The following FYB1 variants were observed in gnomAD, a reference collection of about 807,000 sequenced individuals.
FYB1 encodes FYN binding protein 1.
FYB1 carries 41 observed loss-of-function variants against 94.1 expected under a neutral mutation model. The observed-to-expected ratio is 0.44, with a 90% confidence interval of 0.34 to 0.57. The LOEUF (loss-of-function observed/expected upper bound fraction) is 0.57, where lower values mean the gene tolerates loss of function less well. Ranked by LOEUF, FYB1 falls within the 20% of genes least tolerant of loss-of-function variation. FYB1 has a pLI of 0.02. For missense variants in FYB1, 1,050 were observed against 976.8 expected (o/e 1.07, Z -1.00); for synonymous variants, 367 against 353.2 (o/e 1.04, Z -0.44).
Position 39,202,113 on chromosome 5 carries a change from T to G in FYB1, c.848A>C (p.Lys283Thr), listed in dbSNP as rs1342611268. The G allele has an allele frequency of 6.2e-7, 1 of 1,613,882 alleles. No homozygotes were observed. The highest frequency in any genetic ancestry group is 2.2e-5 in the East Asian group (1 of 44,894). ...PGLSKNGEEK[K>T]EDRKIDAAKN... is the part of the protein sequence containing the mutation. ...AGCAGCATCTATCTTCCTATCTTCCTTTTTTTCTTCACCATTTTTGGAGAG... is the reference window on the plus strand; with the variant it reads ...AGCAGCATCTATCTTCCTATCTTCCGTTTTTTCTTCACCATTTTTGGAGAG... The change falls in exon 2 of 19, where the codon AAG (lysine) becomes ACG (threonine). Residue 283 changes from lysine (K) to threonine (T), a missense_variant. Transcript: ENST00000512982.
At chr5:39,244,548 T>A (rs924098687) in intron 1 of FYB1, among the ~76,000 whole-genome samples, 7 of 152,176 alleles carry the variant, frequency 4.6e-5, no homozygotes, top group African/African-American at 1.4e-4. Context: ...TTGCCAGTAT[T>A]TTATTGAGGA....
intron 4 of FYB1, among the ~76,000 whole-genome samples, chr5:39,140,475 G>T (rs968459278): frequency 3.3e-5 from 5 of 152,192 alleles, no homozygotes; most frequent in Non-Finnish European, 7.3e-5. Context: ...TAACAGGACC[G>T]ATTGATGAGA....
chr5:39,273,637 T>C (rs1752723589), intron 1 of FYB1, among the ~76,000 whole-genome samples: 1 of 152,156 alleles, frequency 6.6e-6, no homozygotes. Context: ...GCAAAATAAG[T>C]TATAATTCTT....
At chr5:39,144,451 C>T (rs1231001118) in intron 3 of FYB1, among the ~76,000 whole-genome samples, 39 of 152,012 alleles carry the variant, frequency 2.6e-4, no homozygotes, top group Non-Finnish European at 2.6e-4. Context: ...TTGATATCCT[C>T]AACAAATAAA....
intron 16 of FYB1, among the ~76,000 whole-genome samples, chr5:39,118,162 G>A (rs1003249365): frequency 6.6e-6 from 1 of 152,090 alleles, no homozygotes; most frequent in Middle Eastern, 3.4e-3. Context: ...CCTCAGCCCC[G>A]CAAAGTGCTG....
intron 18 of FYB1, among the ~76,000 whole-genome samples, chr5:39,107,908 T>C (rs1738673826): frequency 6.6e-6 from 1 of 152,092 alleles, no homozygotes; most frequent in Non-Finnish European, 1.5e-5. Context: ...ATGAAATAAG[T>C]ACCTATTTAT....
intron 2 of FYB1, among the ~76,000 whole-genome samples, chr5:39,157,139 C>T (rs570322975): frequency 5.9e-5 from 9 of 151,896 alleles, no homozygotes; most frequent in Non-Finnish European, 1.2e-4. Flanking sequence ...TAAGCCGTAG[C>T]GGTGGGTTTC....
chr5:39,222,164 A>G (rs548162616), upstream of FYB1, among the ~76,000 whole-genome samples: 85 of 151,590 alleles, frequency 5.6e-4, no homozygotes, highest in Admixed American at 7.9e-4. Flanking sequence ...CAGTGTAGAT[A>G]TGATCTCCTT....
intron 1 of FYB1, among the ~76,000 whole-genome samples, chr5:39,263,595 C>T (rs1312773084): frequency 6.6e-6 from 1 of 152,164 alleles, no homozygotes; most frequent in Non-Finnish European, 1.5e-5. Context: ...CCAGCCCTCA[C>T]AGGGAACCTT....
At chr5:39,194,350 G>A (rs573771874) in intron 2 of FYB1, among the ~76,000 whole-genome samples, 1 of 152,122 alleles carries the variant, frequency 6.6e-6, no homozygotes, top group East Asian at 1.9e-4. Flanking sequence ...GCAAGACTCT[G>A]TCTCTACAAA....
chr5:39,148,465 A>ACCTGCCT (rs1357625796), intron 3 of FYB1, among the ~76,000 whole-genome samples: 1 of 119,320 alleles, frequency 8.4e-6, no homozygotes, highest in Non-Finnish European at 1.6e-5. Flanking sequence ...TTTGTTCTAT[A>ACCTGCCT]CCTGCCTTAC....
At chr5:39,198,433 A>C (rs1053822590) in intron 2 of FYB1, among the ~76,000 whole-genome samples, 3 of 152,224 alleles carry the variant, frequency 2.0e-5, no homozygotes. Context: ...ATTATAAGTA[A>C]TAAAAGACAT....
rs745404539 is a variant in FYB1, at chr5:39,134,262, A to G, written c.1763T>C (p.Ile588Thr). The G allele has an allele frequency of 1.2e-5, 19 of 1,612,258 alleles. No homozygotes were observed. Among genetic ancestry groups the G allele is most frequent in the Admixed American group, 3.3e-5 (2 of 60,004 alleles). ...KDSLGAPSRP[I>T]EDDQEVYDDV... ...ATCATATACTTCTTGGTCATCTTCA[A>G]TAGGTCTTGAAGGGGCACCAAGAGA... Residue 588 changes from isoleucine to threonine, a missense_variant, in exon 9 of 19, where the codon ATT (isoleucine) becomes ACT (threonine). Ile to Thr is a moderately conservative substitution (Grantham distance 89). Transcript: ENST00000512982.
At chr5:39,215,405 C>T (rs957635507) in intron 1 of FYB1, among the ~76,000 whole-genome samples, 3 of 152,028 alleles carry the variant, frequency 2.0e-5, no homozygotes, top group Admixed American at 6.5e-5. Flanking sequence ...GTTTTCATTG[C>T]GATGACGATG....
intron 12 of FYB1, 94 bp downstream of exon 12, chr5:39,125,904 G>T: frequency 8.1e-7 from 1 of 1,241,110 alleles, no homozygotes. Context: ...AAGTCTATCA[G>T]AATTTGGTTA....
intron 1 of FYB1, among the ~76,000 whole-genome samples, chr5:39,260,081 A>T (rs1752149624): frequency 6.6e-6 from 1 of 152,258 alleles, no homozygotes; most frequent in Non-Finnish European, 1.5e-5. Flanking sequence ...TTGGAAGAGC[A>T]ATTAAAATCA....
intron 1 of FYB1, among the ~76,000 whole-genome samples, chr5:39,218,711 G>T (rs1322762999): frequency 6.6e-6 from 1 of 152,194 alleles, no homozygotes; most frequent in Admixed American, 6.5e-5. Context: ...AGAAGGCAGA[G>T]TCAGAGGCCC....
chr5:39,260,443 C>G (rs150520471), intron 1 of FYB1, among the ~76,000 whole-genome samples: 59 of 152,246 alleles, frequency 3.9e-4, no homozygotes, highest in African/African-American at 1.3e-3. Flanking sequence ...ATAAAATATT[C>G]TTAGCCTCCT....
At chr5:39,148,173 A>ATATATATATATGTATTT (rs1742899690) in intron 3 of FYB1, among the ~76,000 whole-genome samples, 5 of 44,268 alleles carry the variant, frequency 1.1e-4, no homozygotes, top group African/African-American at 8.2e-4. Flanking sequence ...ATATATATAT[A>ATATATATATATGTATTT]TATATATATA....
Sources: allele counts gnomAD v4.1 joint callset (sites outside exome capture counted in the v4.1 genomes callset), GRCh38; gene constraint gnomAD v4.1.1; transcripts MANE v1.5; gene names NCBI Gene and HGNC (gene_info 2026-07-23, HGNC 2026-07-21).